The following TNFSF8 variants were observed in gnomAD, a reference collection of about 807,000 sequenced individuals.
TNFSF8 encodes the protein TNF superfamily member 8.
Under a neutral mutation model 22.0 loss-of-function variants are expected in TNFSF8, and 4 were observed. The ratio of observed to expected loss-of-function variants is 0.18; its 90% CI spans 0.09 to 0.42. The LOEUF (loss-of-function observed/expected upper bound fraction) is 0.42, where lower values mean the gene tolerates loss of function less well. TNFSF8 is among the 10% of genes least tolerant of loss of function. TNFSF8 has a pLI of 1.00. For synonymous variants in TNFSF8, 106 were observed against 112.5 expected, an observed-to-expected ratio of 0.94 and a Z score of 0.37; for missense variants, 233 against 281.8, an observed-to-expected ratio of 0.83 and a Z score of 1.24.
intron 2 of TNFSF8, among the ~76,000 whole-genome samples, chr9:114,911,901 A>G (rs912850453): frequency 2.3e-4 from 35 of 152,224 alleles, no homozygotes; most frequent in African/African-American, 8.4e-4. Context: ...AGTAAGAAGC[A>G]TCTTTAAAGT....
chr9:114,914,551 T>C (rs1236588918), intron 2 of TNFSF8, among the ~76,000 whole-genome samples: 3 of 152,182 alleles, frequency 2.0e-5, no homozygotes, highest in Admixed American at 6.5e-5. Flanking sequence ...CTTGGTTCCG[T>C]GACATTTGTG....
At chr9:114,907,556 C>G (rs1283472682) in intron 2 of TNFSF8, among the ~76,000 whole-genome samples, 2 of 152,180 alleles carry the variant, frequency 1.3e-5, no homozygotes, top group Non-Finnish European at 1.5e-5. Context: ...CTTTCGCCTG[C>G]AGGATCAGGC....
chr9:114,927,739 C>T (rs868777972), intron 1 of TNFSF8, among the ~76,000 whole-genome samples: 1 of 152,140 alleles, frequency 6.6e-6, no homozygotes, highest in African/African-American at 2.4e-5. Context: ...TATGGTTCTC[C>T]ACCCCTGTTC....
At chr9:114,904,688 A>G (rs1389975677) in intron 3 of TNFSF8, among the ~76,000 whole-genome samples, 1 of 152,176 alleles carries the variant, frequency 6.6e-6, no homozygotes, top group Non-Finnish European at 1.5e-5. Flanking sequence ...TGTTCTCCAC[A>G]AGATTGGAAC....
downstream of TNFSF8, among the ~76,000 whole-genome samples, chr9:114,896,534 A>C (rs1827656736): frequency 1.3e-5 from 2 of 152,368 alleles, no homozygotes; most frequent in South Asian, 4.1e-4. Context: ...TGTTTAAAGT[A>C]AGGGATATGT....
intron 2 of TNFSF8, among the ~76,000 whole-genome samples, chr9:114,910,452 C>G (rs576339395): frequency 3.2e-4 from 49 of 152,304 alleles, no homozygotes; most frequent in African/African-American, 1.2e-3. Flanking sequence ...AATGGTGGAG[C>G]TGGGTTCAGA....
At chr9:114,920,621 G>A (rs939946060) in intron 1 of TNFSF8, among the ~76,000 whole-genome samples, 1 of 152,160 alleles carries the variant, frequency 6.6e-6, no homozygotes, top group African/African-American at 2.4e-5. Context: ...TGGGAGTCTC[G>A]TTAAAATGCA....
chr9:114,901,664 G>T lies in TNFSF8; in HGVS notation c.*2267C>A. The T allele has an allele frequency of 1.0e-6, 1 of 985,348 alleles. No individual in the cohort carries two copies. Among genetic ancestry groups the T allele is most frequent in the Non-Finnish European group, 1.2e-6 (1 of 829,916 alleles). The allele number at this position is 985,348 out of a possible 1,614,324, so 61.0% of individuals were successfully genotyped here. A position where few individuals can be genotyped will look rare whatever the true frequency, so the allele number is the denominator to read the frequency against. On this transcript the variant is annotated 3_prime_UTR_variant, in exon 4 of 4. Transcript: ENST00000223795. Reference sequence around the variant, plus strand: ...CATTTCCCTGTTTTTTTAGCCTTGAGTCTCAAAGTCTGTTTTGTTTTTTAC... The same window carrying T: ...CATTTCCCTGTTTTTTTAGCCTTGATTCTCAAAGTCTGTTTTGTTTTTTAC...
chr9:114,898,485 A>C (rs535510105), downstream of TNFSF8, among the ~76,000 whole-genome samples: 1 of 152,316 alleles, frequency 6.6e-6, no homozygotes, highest in South Asian at 2.1e-4. Context: ...GCTGTGAGTT[A>C]GGAGGTATTG....
intron 2 of TNFSF8, among the ~76,000 whole-genome samples, chr9:114,914,824 G>A (rs1262390608): frequency 6.6e-6 from 1 of 152,198 alleles, no homozygotes; most frequent in African/African-American, 2.4e-5. Context: ...TTGGCTGGGG[G>A]CTATCCTGGC....
At chr9:114,910,898 A>G (rs1426043653) in intron 2 of TNFSF8, among the ~76,000 whole-genome samples, 3 of 152,190 alleles carry the variant, frequency 2.0e-5, no homozygotes, top group Admixed American at 6.5e-5. Flanking sequence ...CATAGCTTTT[A>G]GCTCTGGATC....
In TNFSF8 at chr9:114,930,327, C is replaced by T. The variant is rs200906868; in HGVS notation, c.-24G>A. 2.7e-6 allele frequency: 4 copies of T among 1,464,702 alleles called. No individual in the cohort carries two copies. In the African/African-American group the frequency reaches 4.3e-5, roughly 16 times the overall value. 90.7% of individuals were successfully genotyped at this position (1,464,702 alleles called of 1,614,324 possible). ...ATTCTTTATATAGTCTTCCCCACAT[C>T]ACACCTTATCTCTCTTCATCTGATT... is the stretch of plus-strand genomic sequence containing the variant. On this transcript the variant is annotated 5_prime_UTR_variant, in exon 1 of 4. An upstream open reading frame in the 5' UTR loses its in-frame stop. Coordinates refer to ENST00000223795, the MANE Select transcript of TNFSF8 (RefSeq NM_001244.4).
downstream of TNFSF8, among the ~76,000 whole-genome samples, chr9:114,896,491 G>T (rs1050330188): frequency 3.3e-5 from 5 of 152,178 alleles, no homozygotes; most frequent in African/African-American, 1.2e-4. Context: ...CTAGAAGAGA[G>T]GATTTTGAAT....
intron 2 of TNFSF8, among the ~76,000 whole-genome samples, chr9:114,910,905 G>A (rs565949256): frequency 6.6e-6 from 1 of 152,096 alleles, no homozygotes; most frequent in South Asian, 2.1e-4. Context: ...TTTAGCTCTG[G>A]ATCTGTCATT....
chr9:114,902,411 AATGC>A lies in TNFSF8; in HGVS notation c.*1516_*1519del. ...CACACTGATTGTTTGCTAAAGGCAC[AATGC>A]TTTCCTGACCAGAAATGAAAAATGC... On this transcript the variant is annotated 3_prime_UTR_variant, in exon 4 of 4. Transcript: ENST00000223795. 1.0e-6 allele frequency: 1 copy of A among 985,452 alleles called. No homozygotes were observed. The highest frequency in any genetic ancestry group is 1.2e-6 in the Non-Finnish European group (1 of 829,928). 61.0% of individuals were successfully genotyped at this position (985,452 alleles called of 1,614,324 possible). A position where few individuals can be genotyped will look rare whatever the true frequency, so the allele number is the denominator to read the frequency against.
At chr9:114,926,258 T>C (rs1479498788) in intron 1 of TNFSF8, among the ~76,000 whole-genome samples, 1 of 151,978 alleles carries the variant, frequency 6.6e-6, no homozygotes, top group East Asian at 1.9e-4. Flanking sequence ...TGAAACCCCG[T>C]CTCTACTAAA....
At chr9:114,921,368 T>C (rs1827985647) in intron 1 of TNFSF8, among the ~76,000 whole-genome samples, 1 of 152,176 alleles carries the variant, frequency 6.6e-6, no homozygotes, top group South Asian at 2.1e-4. Flanking sequence ...AAGCTAATTT[T>C]ATGGAGGAGG....
At chr9:114,908,087 T>C (rs1396012428) in intron 2 of TNFSF8, among the ~76,000 whole-genome samples, 1 of 152,220 alleles carries the variant, frequency 6.6e-6, no homozygotes, top group Non-Finnish European at 1.5e-5. Context: ...AGGCAAGTTT[T>C]TCCTTGTTTG....
chr9:114,905,896 T>C lies in TNFSF8; in HGVS notation c.242A>G (p.Asn81Ser). The stretch of plus-strand genomic sequence containing the variant: ...GATACATAAGAGGTCTTCTGAGCAA[T>C]TTCCTAAAAATAAGGAGACGATGCA... The part of the protein sequence containing the change: ...SPDNVPLKGG[N>S]CSEDLLCILK... The change falls in exon 3 of 4, where the codon AAT becomes AGT. Residue 81 changes from asparagine (N) to serine (S), a missense_variant. Asn to Ser is a conservative substitution (Grantham distance 46, BLOSUM62 1). Transcript: ENST00000223795. 1 of 1,609,880 alleles carries C rather than the reference T, an allele frequency of 6.2e-7. No homozygotes were observed. Among genetic ancestry groups the C allele is most frequent in the South Asian group, 1.1e-5 (1 of 90,924 alleles).
Sources: gnomAD v4.1 joint callset for allele counts (sites outside exome capture counted in the v4.1 genomes callset) on GRCh38, gnomAD v4.1.1 for gene constraint, MANE v1.5 for transcripts, NCBI Gene and HGNC (gene_info 2026-07-23, HGNC 2026-07-21) for gene names.